The following TMEM117 variants were observed in gnomAD, a reference collection of about 807,000 sequenced individuals.
TMEM117 encodes the protein transmembrane protein 117.
A neutral mutation model predicts 52.4 loss-of-function variants in TMEM117; 27 were observed. The ratio of observed to expected loss-of-function variants is 0.51; its 90% CI spans 0.38 to 0.71. TMEM117 has a LOEUF of 0.71. TMEM117 is among the 30% of genes least tolerant of loss of function. The pLI is 0.00. For synonymous variants in TMEM117, 215 were observed against 206.3 expected (o/e 1.04, Z -0.36); for missense variants, 556 against 630.5 (o/e 0.88, Z 1.26).
At chr12:43,806,364 G>T in the TMEM117 span, 16 of 1,240,012 alleles carry the variant, frequency 1.3e-5, no homozygotes, top group Non-Finnish European at 1.6e-5. Flanking sequence ...GCGACCCGCG[G>T]CCGCCCCGCC....
chr12:43,962,151 C>T (rs1449467213), intron 3 of TMEM117, among the ~76,000 whole-genome samples: 1 of 152,124 alleles, frequency 6.6e-6, no homozygotes, highest in Non-Finnish European at 1.5e-5. Flanking sequence ...ACTCTTCTAC[C>T]GTTCTGGTAC....
At chr12:43,967,014 A>G (rs11837742) in intron 3 of TMEM117, among the ~76,000 whole-genome samples, 17,980 of 152,156 alleles carry the variant, frequency 0.12, 1,409 homozygotes, top group African/African-American at 0.22. Flanking sequence ...CAGTGATCCT[A>G]CTTCCTGGTA....
intron 3 of TMEM117, among the ~76,000 whole-genome samples, chr12:44,060,997 T>G (rs866511168): frequency 3.9e-5 from 6 of 152,340 alleles, no homozygotes; most frequent in Admixed American, 6.5e-5. Context: ...GGTGGCTTTA[T>G]GTGTTTTAAC....
At chr12:44,257,516 G>A (rs562198906) in intron 5 of TMEM117, among the ~76,000 whole-genome samples, 1 of 152,222 alleles carries the variant, frequency 6.6e-6, no homozygotes, top group African/African-American at 2.4e-5. Context: ...AGGACTGGTA[G>A]CTTGAAACAA....
chr12:44,398,145 A>G, the TMEM117 span, among the ~76,000 whole-genome samples: 2 of 150,436 alleles, frequency 1.3e-5, no homozygotes, highest in Non-Finnish European at 3.0e-5. Context: ...AATATGTATC[A>G]TCATCCAAGC....
intron 6 of TMEM117, among the ~76,000 whole-genome samples, chr12:44,339,795 A>G (rs1322220246): frequency 2.6e-5 from 4 of 151,840 alleles, no homozygotes; most frequent in Non-Finnish European, 5.9e-5. Flanking sequence ...AGGATTCAAT[A>G]TTATCAATAC....
intron 5 of TMEM117, among the ~76,000 whole-genome samples, chr12:44,238,036 A>T (rs1950019193): frequency 6.6e-6 from 1 of 152,184 alleles, no homozygotes; most frequent in Non-Finnish European, 1.5e-5. Flanking sequence ...AATCATGAGA[A>T]AAAAGAGCCA....
At chr12:44,270,581 C>T (rs2138566223) in intron 5 of TMEM117, among the ~76,000 whole-genome samples, 1 of 152,194 alleles carries the variant, frequency 6.6e-6, no homozygotes, top group South Asian at 2.1e-4. Flanking sequence ...TTTACTTCCT[C>T]TTTACTGACT....
chr12:44,329,914 A>G (rs555163557), intron 6 of TMEM117, among the ~76,000 whole-genome samples: 60 of 152,190 alleles, frequency 3.9e-4, no homozygotes, highest in African/African-American at 1.2e-3. Context: ...TGATCTATCC[A>G]TGGACACTTG....
chr12:44,222,337 G>C (rs1389039222), intron 5 of TMEM117, among the ~76,000 whole-genome samples: 3 of 152,120 alleles, frequency 2.0e-5, no homozygotes, highest in African/African-American at 4.8e-5. Flanking sequence ...GTCATCTGCA[G>C]GACTTTGTGG....
At chr12:44,362,298 C>G (rs1448639656) in intron 6 of TMEM117, among the ~76,000 whole-genome samples, 1 of 152,118 alleles carries the variant, frequency 6.6e-6, no homozygotes, top group Non-Finnish European at 1.5e-5. Flanking sequence ...CCTGCAGAGG[C>G]TCTTACCTCA....
chr12:43,983,184 G>A (rs1030246430), intron 3 of TMEM117, among the ~76,000 whole-genome samples: 1 of 152,126 alleles, frequency 6.6e-6, no homozygotes, highest in African/African-American at 2.4e-5. Flanking sequence ...CTGGCTGTTT[G>A]CAGGACTACA....
Position 43,946,378 on chromosome 12 carries a change from G to T in TMEM117, c.410+2036G>T, listed in dbSNP as rs201307149. On this transcript the variant is annotated intron_variant, in intron 3 of 7. Transcript: ENST00000266534. ...AGAAGCTGACTTTTGATATAATTCT[G>T]TTTTTTTTTTTTTTTTGTTTGTTTT... Among the ~76,000 whole-genome samples, 155 of 113,450 alleles carry T rather than the reference G, an allele frequency of 1.4e-3. 4 individuals carry two copies. The highest frequency in any genetic ancestry group is 7.7e-3 in the East Asian group (32 of 4,150). 74.4% of individuals were successfully genotyped at this position (113,450 alleles called of 152,430 possible).
At chr12:44,338,188 A>G (rs188211660) in intron 6 of TMEM117, among the ~76,000 whole-genome samples, 2 of 152,258 alleles carry the variant, frequency 1.3e-5, no homozygotes, top group African/African-American at 4.8e-5. Flanking sequence ...TTAAATTAAG[A>G]TAATGTGGGT....
chr12:43,991,723 A>C (rs1945944786), intron 3 of TMEM117, among the ~76,000 whole-genome samples: 2 of 152,208 alleles, frequency 1.3e-5, no homozygotes, highest in Non-Finnish European at 2.9e-5. Context: ...AGAGAGAGAG[A>C]GAGCAAGAGT....
At chr12:43,818,477 G>T in the TMEM117 span, among the ~76,000 whole-genome samples, 1 of 147,438 alleles carries the variant, frequency 6.8e-6, no homozygotes, top group African/African-American at 2.5e-5. Context: ...ATCGCGCTCT[G>T]TCGCCTGGAC....
intron 2 of TMEM117, among the ~76,000 whole-genome samples, chr12:43,899,078 C>A (rs1365617621): frequency 1.3e-5 from 2 of 152,192 alleles, no homozygotes; most frequent in African/African-American, 2.4e-5. Flanking sequence ...TGCACAAGAA[C>A]CTTTCATACT....
intron 3 of TMEM117, among the ~76,000 whole-genome samples, chr12:44,010,686 A>G (rs978202894): frequency 6.6e-6 from 1 of 152,154 alleles, no homozygotes; most frequent in Middle Eastern, 3.2e-3. Flanking sequence ...TGTTTGTCCT[A>G]GAGTTTACAA....
chr12:44,132,285 A>C (rs1242792594), intron 3 of TMEM117, among the ~76,000 whole-genome samples: 1 of 151,020 alleles, frequency 6.6e-6, no homozygotes, highest in Non-Finnish European at 1.5e-5. Flanking sequence ...ACACACACAC[A>C]CCCTTTGTAT....
Sources: allele counts gnomAD v4.1 joint callset (sites outside exome capture counted in the v4.1 genomes callset), GRCh38; gene constraint gnomAD v4.1.1; transcripts MANE v1.5; gene names NCBI Gene and HGNC (gene_info 2026-07-23, HGNC 2026-07-21).